Variants in DNAH1 observed in about 807,000 individuals in gnomAD.
The protein encoded by DNAH1 is dynein axonemal heavy chain 1.
Under a neutral mutation model 484.3 loss-of-function variants are expected in DNAH1, and 327 were observed. The ratio of observed to expected loss-of-function variants is 0.68; its 90% CI spans 0.62 to 0.74. DNAH1 has a LOEUF of 0.74. DNAH1 is among the 30% of genes least tolerant of loss of function. The probability of loss-of-function intolerance (pLI) is 0.00; values close to 1 mark genes in which losing one functional copy is unlikely to be tolerated. For missense variants in DNAH1, 5,052 were observed against 5,546.8 expected, an observed-to-expected ratio of 0.91 and a Z score of 2.83; for synonymous variants, 2,192 against 2,191.9, an observed-to-expected ratio of 1.00 and a Z score of 0.00.
Position 52,381,405 on chromosome 3 carries a change from G to A in DNAH1, c.7609-235G>A, listed in dbSNP as rs997925106. Reference sequence around the variant, plus strand: ...TGGGATTACAGGCGTGAGCCACCGCGCTAGGCCAATCCCTCAGTGTTTTGA... The same window carrying A: ...TGGGATTACAGGCGTGAGCCACCGCACTAGGCCAATCCCTCAGTGTTTTGA... On this transcript the variant is annotated intron_variant, in intron 48 of 77. Transcript: ENST00000420323. This position sits in a 1 kb window ranked among gnomAD's most constrained non-coding sequence, Gnocchi z 4.1. Among the ~76,000 whole-genome samples, 1 of 152,138 alleles carries A rather than the reference G, an allele frequency of 6.6e-6. No homozygotes were observed. The highest frequency in any genetic ancestry group is 2.4e-5 in the African/African-American group (1 of 41,428).
At chr3:52,345,089 C>T (rs1054026316) in intron 9 of DNAH1, among the ~76,000 whole-genome samples, 6 of 152,202 alleles carry the variant, frequency 3.9e-5, no homozygotes, top group Admixed American at 1.3e-4. Context: ...TCATGTACTC[C>T]GGATGCAGGC....
At position 52,388,305 on chromosome 3, in the gene DNAH1, T is replaced by C; in HGVS notation, c.9142T>C (p.Phe3048Leu). ...QWVRAMHKYHFVAKAVEPKRQ... is the reference protein window; with the variant it reads ...QWVRAMHKYHLVAKAVEPKRQ... ...GGTGCGCGCCATGCACAAGTACCAC[T>C]TTGTGGCCAAGGCCGTGGAGCCCAA... The change falls in exon 57 of 78, where the codon TTT becomes CTT. Residue 3048 changes from phenylalanine (F) to leucine (L), a missense_variant. This residue lies in a region of DNAH1 where 2,929 missense variants were observed against 3,409.4 expected (regional missense o/e 0.86). Transcript: ENST00000420323. 6.2e-7 allele frequency: 1 copy of C among 1,602,752 alleles called. No individual in the cohort carries two copies. Among genetic ancestry groups the C allele is most frequent in the Non-Finnish European group, 8.5e-7 (1 of 1,174,846 alleles).
Position 52,400,449 on chromosome 3 carries a change from TCAGA to T in DNAH1, c.*8_*11del, listed in dbSNP as rs762232697. 2.0e-5 allele frequency: 33 copies of T among 1,613,888 alleles called. No homozygotes were observed. The highest frequency in any genetic ancestry group is 1.6e-4 in the Middle Eastern group (1 of 6,084). The stretch of plus-strand genomic sequence containing the variant: ...TCATCTGTGCCCTGGACTACTAGAC[TCAGA>T]CAGAAGGGCTGGGGCCATTAAAGCT... On this transcript the variant is annotated 3_prime_UTR_variant, in exon 78 of 78. Coordinates refer to ENST00000420323, the MANE Select transcript of DNAH1 (RefSeq NM_015512.5).
rs1374557123 is a variant in DNAH1, at chr3:52,397,016, A to G, written c.11759A>G (p.His3920Arg). 6.2e-6 allele frequency: 10 copies of G among 1,608,928 alleles called. No individual in the cohort carries two copies. Among genetic ancestry groups the G allele is most frequent in the African/African-American group, 4.0e-5 (3 of 74,804 alleles). Residue 3920 changes from histidine to arginine, a missense_variant, in exon 73 of 78, where the codon CAC becomes CGC. Around this residue, in one of 4 missense-constraint regions of DNAH1, gnomAD observed 853 missense variants for 899.0 expected, o/e 0.95. Transcript: ENST00000420323. ...EHSYSASGIY[H>R]QIPPTYDLHG... Reference sequence around the variant, plus strand: ...AGCTACAGCGCCTCGGGCATCTACCACCAGATCCCGCCTACCTACGACCTC... The same window carrying G: ...AGCTACAGCGCCTCGGGCATCTACCGCCAGATCCCGCCTACCTACGACCTC...
At chr3:52,387,378 T>C (rs938486421) in intron 56 of DNAH1, among the ~76,000 whole-genome samples, 2 of 152,294 alleles carry the variant, frequency 1.3e-5, no homozygotes, top group South Asian at 2.1e-4. Flanking sequence ...GGCTGTGCCA[T>C]GGTTAAGTAG....
intron 63 of DNAH1, among the ~76,000 whole-genome samples, 184 bp from the exon 64 acceptor site, chr3:52,392,280 T>C (rs1479489471): frequency 6.6e-6 from 1 of 152,210 alleles, no homozygotes; most frequent in African/African-American, 2.4e-5. Flanking sequence ...AACTGATGTC[T>C]TTGAAGGCAG....
chr3:52,396,520 C>T lies in DNAH1; in HGVS notation c.11412C>T (p.Phe3804=), dbSNP rs376071068. ...CCTATAGTAGCCTTGGTGAAGACTT[C>T]CTCAACTCCTGCCACAAGGTGAGGC... ...LKSYSSLGED[F]LNSCHKVMEF... The change falls in exon 71 of 78, where the codon TTC becomes TTT. Residue 3804 remains phenylalanine (F), a synonymous_variant. Transcript: ENST00000420323. 1 of 1,611,758 alleles carries T rather than the reference C, an allele frequency of 6.2e-7. No homozygotes were observed. The highest frequency in any genetic ancestry group is 1.3e-5 in the African/African-American group (1 of 74,874).
At chr3:52,322,232 C>G (rs1005556528) in intron 1 of DNAH1, among the ~76,000 whole-genome samples, 177 bp from the exon 2 acceptor site, 1 of 151,976 alleles carries the variant, frequency 6.6e-6, no homozygotes, top group Non-Finnish European at 1.5e-5. Context: ...CCTGGTGGGA[C>G]TCGGGGTACT....
At chr3:52,319,880 G>A (rs966707067) in intron 1 of DNAH1, among the ~76,000 whole-genome samples, 2 of 152,124 alleles carry the variant, frequency 1.3e-5, no homozygotes, top group Non-Finnish European at 2.9e-5. Flanking sequence ...GACACACCTC[G>A]GTGCATCCCC....
chr3:52,335,025 C>T (rs1346109949), intron 8 of DNAH1, among the ~76,000 whole-genome samples: 1 of 151,724 alleles, frequency 6.6e-6, no homozygotes, highest in East Asian at 1.9e-4. Context: ...TGGTCTCGAT[C>T]TCCTGACCTC....
rs376924974 is a variant in DNAH1 at position 52,396,470 on chromosome 3, G to A, written c.11362G>A (p.Gly3788Ser). 6.0e-5 allele frequency: 97 copies of A among 1,603,394 alleles called. No homozygotes were observed. The highest frequency in any genetic ancestry group is 3.7e-4 in the South Asian group (33 of 89,342). ...CAAGATGACCATTGAGCCGCCACGC[G>A]GTGTCAGGGCCAACCTGCTGAAGTC... Reference protein sequence around the residue: ...GSKMTIEPPRGVRANLLKSYS... With the variant: ...GSKMTIEPPRSVRANLLKSYS... Residue 3788 changes from glycine (G) to serine (S), a missense_variant, in exon 71 of 78, where the codon GGT becomes AGT. Gly to Ser is a moderately conservative substitution (Grantham distance 56, BLOSUM62 0). Transcript: ENST00000420323.
intron 3 of DNAH1, among the ~76,000 whole-genome samples, chr3:52,325,850 G>T (rs1175361329): frequency 6.6e-6 from 1 of 152,174 alleles, no homozygotes; most frequent in Non-Finnish European, 1.5e-5. Flanking sequence ...TTGAGCAATG[G>T]CCCCTGGTGC....
At chr3:52,322,929 A>G (rs1701202209) in intron 2 of DNAH1, among the ~76,000 whole-genome samples, 154 bp downstream of exon 2, 1 of 151,970 alleles carries the variant, frequency 6.6e-6, no homozygotes, top group Admixed American at 6.6e-5. Context: ...ACCCCCTATT[A>G]TCCCCTCATC....
In DNAH1 at chr3:52,321,226, C is replaced by T. The variant is rs559501678; in HGVS notation, c.-34-1183C>T. 4.0e-3 allele frequency among the ~76,000 whole-genome samples: 609 copies of T among 152,054 alleles called. 2 individuals carry two copies. Among genetic ancestry groups the T allele is most frequent in the Admixed American group, 6.7e-3 (102 of 15,268 alleles). The stretch of plus-strand genomic sequence containing the variant: ...CTGCCTCCCGGGTTCAAGTGATTCT[C>T]CTGCCTCAGCCTCCCACGTAGCTGG... On this transcript the variant is annotated intron_variant, in intron 1 of 77. Transcript: ENST00000420323.
In DNAH1 at chr3:52,373,611, G is replaced by A. The variant is rs1009034916; in HGVS notation, c.6985+558G>A. The A allele has an allele frequency of 2.5e-5, 36 of 1,452,636 alleles. No homozygotes were observed. In the Admixed American group the frequency reaches 2.7e-4, roughly 11 times the overall value. 90.0% of individuals were successfully genotyped at this position (1,452,636 alleles called of 1,614,324 possible). A position where few individuals can be genotyped will look rare whatever the true frequency, so the allele number is the denominator to read the frequency against. ...ACAGCAAAATTCTTCAAGGTTTAGC[G>A]CAAGCAGTAATAGAGAACTTCAAAA... is the stretch of plus-strand genomic sequence containing the variant. On this transcript the variant is annotated intron_variant, in intron 44 of 77. Coordinates refer to ENST00000420323, the MANE Select transcript of DNAH1 (RefSeq NM_015512.5).
chr3:52,330,740 G>C (rs1174352888), intron 6 of DNAH1, among the ~76,000 whole-genome samples: 1 of 152,216 alleles, frequency 6.6e-6, no homozygotes, highest in East Asian at 1.9e-4. Flanking sequence ...GGCAGCCTGT[G>C]GGGAGGGCTT....
rs777526541 is a variant in DNAH1 at position 52,398,903 on chromosome 3, C to T, written c.12143C>T (p.Ala4048Val). Reference protein sequence around the residue: ...ITQTLQDLLKALKGLVVMSSQ... With the variant: ...ITQTLQDLLKVLKGLVVMSSQ... ...CAGACACTGCAAGACCTACTCAAGGCACTCAAGGGGCTGGTAGTGATGTCC... is the reference window on the plus strand; with the variant it reads ...CAGACACTGCAAGACCTACTCAAGGTACTCAAGGGGCTGGTAGTGATGTCC... Residue 4048 changes from alanine (A) to valine (V), a missense_variant, in exon 76 of 78, where the codon GCA (alanine) becomes GTA (valine). By Grantham distance (64) the Ala-to-Val change is moderately conservative. Transcript: ENST00000420323. 3 of 1,603,088 alleles carry T rather than the reference C, an allele frequency of 1.9e-6. No individual in the cohort carries two copies. The highest frequency in any genetic ancestry group is 3.4e-5 in the Admixed American group (2 of 59,132).
Position 52,360,380 on chromosome 3 carries a change from C to G in DNAH1, c.4641C>G (p.Tyr1547Ter). The change falls in exon 28 of 78, where the codon TAC becomes TAG. Residue 1547 changes from tyrosine (Y) to a stop codon, truncating the protein, a stop_gained. Coordinates refer to ENST00000420323, the MANE Select transcript of DNAH1 (RefSeq NM_015512.5). LOFTEE classifies it high-confidence loss of function. ...VNAEFIYGYE[Y>*]LGNSGRLVIT... ...CTGAGTTCATCTATGGCTATGAGTA[C>G]CTGGGCAACAGTGGGAGGCTGGTGA... The G allele has an allele frequency of 6.2e-7, 1 of 1,614,002 alleles. No individual in the cohort carries two copies. The highest frequency in any genetic ancestry group is 2.2e-5 in the East Asian group (1 of 44,890).
chr3:52,356,262 G>T lies in DNAH1; in HGVS notation c.3694-352G>T, dbSNP rs115019178. Among the ~76,000 whole-genome samples the T allele has an allele frequency of 9.5e-3, 1,441 of 152,294 alleles. 17 individuals carry two copies. Among genetic ancestry groups the T allele is most frequent in the Non-Finnish European group, 0.012 (847 of 68,024 alleles). ...GTCATGGACCCAGAAGTCCTTCCAG[G>T]AAGGAGGCTGGTTTGTCTCCCAGGC... On this transcript the variant is annotated intron_variant, in intron 21 of 77. Coordinates refer to ENST00000420323, the MANE Select transcript of DNAH1 (RefSeq NM_015512.5).
Sources: gnomAD v4.1 joint callset for allele counts (sites outside exome capture counted in the v4.1 genomes callset) on GRCh38, gnomAD v4.1.1 for gene constraint, gnomAD v4.1.1 regional missense constraint, Gnocchi (gnomAD v3.1) non-coding constraint, MANE v1.5 for transcripts, NCBI Gene and HGNC (gene_info 2026-07-23, HGNC 2026-07-21) for gene names.